Variants in TACR1 observed in about 807,000 individuals in gnomAD.
TACR1 encodes the protein substance-P receptor.
In TACR1, 25 loss-of-function variants were observed where a neutral mutation model predicts 35.8. The observed-to-expected ratio is 0.70, with a 90% CI of 0.51 to 0.98. The LOEUF (loss-of-function observed/expected upper bound fraction) is 0.98. Among genes scored for constraint, TACR1 ranks in the 50% least tolerant of loss-of-function variants. The probability of loss-of-function intolerance (pLI) is 0.00; values close to 1 mark genes in which losing one functional copy is unlikely to be tolerated. For missense variants in TACR1, 478 were observed against 522.9 expected, an observed-to-expected ratio of 0.91 and a Z score of 0.84; for synonymous variants, 195 against 206.7, an observed-to-expected ratio of 0.94 and a Z score of 0.48.
chr2:75,151,025 G>A (rs768201518), intron 1 of TACR1, among the ~76,000 whole-genome samples: 41 of 152,222 alleles, frequency 2.7e-4, no homozygotes, highest in Non-Finnish European at 5.7e-4. Flanking sequence ...CTGATTTAGG[G>A]TATCTGGCAG....
intron 1 of TACR1, among the ~76,000 whole-genome samples, chr2:75,194,958 T>G (rs1436765775): frequency 1.3e-5 from 2 of 152,104 alleles, no homozygotes; most frequent in Non-Finnish European, 2.9e-5. Context: ...TCTACTCCCT[T>G]CTTAGGTTCT....
At chr2:75,141,656 C>T (rs1558566888) in intron 1 of TACR1, among the ~76,000 whole-genome samples, 2 of 152,192 alleles carry the variant, frequency 1.3e-5, no homozygotes, top group African/African-American at 4.8e-5. Flanking sequence ...TTTCTTGGTC[C>T]TATATCAGGC....
At chr2:75,149,852 T>G (rs1231421420) in intron 1 of TACR1, among the ~76,000 whole-genome samples, 2 of 152,134 alleles carry the variant, frequency 1.3e-5, no homozygotes, top group African/African-American at 2.4e-5. Context: ...TTTTTGCCCA[T>G]TCAGTATGAT....
chr2:75,156,527 T>A (rs994750746), intron 1 of TACR1, among the ~76,000 whole-genome samples: 1 of 144,974 alleles, frequency 6.9e-6, no homozygotes, highest in African/African-American at 2.6e-5. Context: ...GGTGTGAACC[T>A]GGGAGGCAGA....
Position 75,094,859 on chromosome 2 carries a change from AT to A in TACR1, c.584+25714del, listed in dbSNP as rs58283121. 4.7e-3 allele frequency among the ~76,000 whole-genome samples: 533 copies of A among 113,060 alleles called. 4 individuals are homozygous for A. Among genetic ancestry groups the A allele is most frequent in the East Asian group, 0.024 (103 of 4,222 alleles). 74.2% of individuals were successfully genotyped at this position (113,060 alleles called of 152,430 possible). On this transcript the variant is annotated intron_variant, in intron 2 of 4. Transcript: ENST00000305249. The stretch of plus-strand genomic sequence containing the variant: ...GAAACATATATATATATATATATAT[AT>A]TTTTTTTTTTTTTGCCCAAGATGGC...
intron 2 of TACR1, among the ~76,000 whole-genome samples, chr2:75,058,447 T>C (rs1180226742): frequency 1.3e-5 from 2 of 152,212 alleles, no homozygotes; most frequent in East Asian, 3.9e-4. Flanking sequence ...TTTTATCAGC[T>C]CTCAGAATTA....
intron 1 of TACR1, among the ~76,000 whole-genome samples, chr2:75,139,262 T>G (rs1038527111): frequency 6.6e-6 from 1 of 152,180 alleles, no homozygotes; most frequent in African/African-American, 2.4e-5. Flanking sequence ...ATTTTACCCC[T>G]AAGAAAACGG....
At position 75,199,144 on chromosome 2, in the gene TACR1, A is replaced by C; in HGVS notation, c.-210T>G. 1 of 578,748 alleles carries C rather than the reference A, an allele frequency of 1.7e-6. No individual in the cohort carries two copies. The highest frequency in any genetic ancestry group is 3.0e-6 in the Non-Finnish European group (1 of 333,106). The allele number at this position is 578,748 out of a possible 1,614,324, so 35.9% of individuals were successfully genotyped here. ...TGCCCGCCTGCCCGCGGTGGCTCTG[A>C]ATTCCTCCACTTTCAAGCTTCAGGA... is the stretch of plus-strand genomic sequence containing the variant. On this transcript the variant is annotated 5_prime_UTR_variant, in exon 1 of 5. The change creates a new upstream start codon in the 5' untranslated region. Coordinates refer to ENST00000305249, the MANE Select transcript of TACR1 (RefSeq NM_001058.4).
intron 1 of TACR1, among the ~76,000 whole-genome samples, chr2:75,126,880 A>G (rs777325623): frequency 2.6e-5 from 4 of 152,238 alleles, no homozygotes; most frequent in Non-Finnish European, 2.9e-5. Context: ...GGCCGCAAGC[A>G]TATGAAAAAA....
intron 2 of TACR1, among the ~76,000 whole-genome samples, chr2:75,077,249 C>T (rs1672998827): frequency 2.0e-5 from 3 of 152,150 alleles, no homozygotes; most frequent in South Asian, 2.1e-4. Context: ...GGATTACAGG[C>T]GTGAGCCACC....
chr2:75,122,980 A>G (rs758528332), intron 1 of TACR1, among the ~76,000 whole-genome samples: 2 of 151,622 alleles, frequency 1.3e-5, no homozygotes, highest in Admixed American at 6.6e-5. Context: ...ATCCTCTTCA[A>G]TCATGGGGTG....
At chr2:75,150,225 T>G (rs951582050) in intron 1 of TACR1, among the ~76,000 whole-genome samples, 3 of 152,240 alleles carry the variant, frequency 2.0e-5, no homozygotes, top group Non-Finnish European at 4.4e-5. Context: ...TGAATTGCCC[T>G]TGAAAAGCTC....
chr2:75,081,747 G>T (rs79787759), intron 2 of TACR1, among the ~76,000 whole-genome samples: 2,702 of 152,084 alleles, frequency 0.018, 85 homozygotes, highest in African/African-American at 0.062. Context: ...TCAAGGTAAG[G>T]GATAGAGATT....
chr2:75,053,983 C>T (rs140608997), intron 2 of TACR1, among the ~76,000 whole-genome samples: 13 of 152,058 alleles, frequency 8.5e-5, no homozygotes, highest in African/African-American at 2.9e-4. Context: ...TTCTTGTGGA[C>T]TTTTTCCATA....
Position 75,199,336 on chromosome 2 carries a change from G to A in TACR1, c.-402C>T. The A allele has an allele frequency of 5.1e-6, 1 of 197,284 alleles. No individual in the cohort carries two copies. Among genetic ancestry groups the A allele is most frequent in the Non-Finnish European group, 1.1e-5 (1 of 93,858 alleles). 12.2% of individuals were successfully genotyped at this position (197,284 alleles called of 1,614,324 possible). ...TCCTTCCTCCGCAGGGAAAGGCAAA[G>A]CCCTGTGCTGCGTGAGGACTTAGGA... is the stretch of plus-strand genomic sequence containing the variant. On this transcript the variant is annotated 5_prime_UTR_variant, in exon 1 of 5. Coordinates refer to ENST00000305249, the MANE Select transcript of TACR1 (RefSeq NM_001058.4).
At chr2:75,077,366 A>T (rs537452577) in intron 2 of TACR1, among the ~76,000 whole-genome samples, 59 of 152,328 alleles carry the variant, frequency 3.9e-4, no homozygotes, top group African/African-American at 1.3e-3. Flanking sequence ...TAAGGACTGC[A>T]CTGTTTGTAC....
At position 75,049,423 on chromosome 2, in the gene TACR1, C is replaced by T. The variant is rs1443650410; in HGVS notation, c.*9G>A. ...CAGTGGGGGCTGCACCTGCCAAAGG[C>T]CCTGTGGCCTAGGAGAGCACATTGG... On this transcript the variant is annotated 3_prime_UTR_variant, in exon 5 of 5. Transcript: ENST00000305249. 6.2e-7 allele frequency: 1 copy of T among 1,606,056 alleles called. No homozygotes were observed. Among genetic ancestry groups the T allele is most frequent in the African/African-American group, 1.3e-5 (1 of 74,898 alleles).
At chr2:75,101,838 C>T (rs942004308) in intron 2 of TACR1, among the ~76,000 whole-genome samples, 5 of 152,024 alleles carry the variant, frequency 3.3e-5, no homozygotes, top group African/African-American at 9.7e-5. Context: ...GTTCCAACTA[C>T]TCAGGAGGCT....
At chr2:75,100,336 A>T (rs1019800514) in intron 2 of TACR1, among the ~76,000 whole-genome samples, 1 of 152,182 alleles carries the variant, frequency 6.6e-6, no homozygotes, top group Non-Finnish European at 1.5e-5. Context: ...GAATGCTAGC[A>T]ATTATTATTT....
Sources: allele counts gnomAD v4.1 joint callset (sites outside exome capture counted in the v4.1 genomes callset), GRCh38; gene constraint gnomAD v4.1.1; transcripts MANE v1.5; gene names NCBI Gene and HGNC (gene_info 2026-07-23, HGNC 2026-07-21).